ADARB2: variants seen among roughly 807,000 people sequenced by gnomAD.
ADARB2 encodes adenosine deaminase RNA specific B2 (inactive).
A neutral mutation model predicts 62.2 loss-of-function variants in ADARB2; 25 were observed. The observed-to-expected ratio is 0.40, with a 90% confidence interval of 0.29 to 0.56. The LOEUF is 0.56. ADARB2 is among the 20% of genes least tolerant of loss of function. The pLI is 0.43. For synonymous variants in ADARB2, 572 were observed against 500.8 expected (o/e 1.14, Z -1.90); for missense variants, 1,071 against 1,077.4 (o/e 0.99, Z 0.08).
In ADARB2 at chr10:1,233,560, C is replaced by T. The variant is rs113934329; in HGVS notation, c.1513+134G>A. The T allele has an allele frequency of 6.4e-4, 605 of 947,612 alleles. 2 individuals are homozygous for T. In the African/African-American group the frequency reaches 7.8e-3, roughly 12 times the overall value. The allele number at this position is 947,612 out of a possible 1,614,324, so 58.7% of individuals were successfully genotyped here. Reference sequence around the variant, plus strand: ...GCATGGTTATCCCACTAATTGTAGACTCAATCCCCTTCCAGTACCCAAGGG... The same window carrying T: ...GCATGGTTATCCCACTAATTGTAGATTCAATCCCCTTCCAGTACCCAAGGG... On this transcript the variant is annotated intron_variant, in intron 6 of 9. Transcript: ENST00000381312.
rs983346511 is a variant in ADARB2, at chr10:1,367,825, G to A, written c.188-3908C>T. Among the ~76,000 whole-genome samples, 5 of 152,376 alleles carry A rather than the reference G, an allele frequency of 3.3e-5. No individual in the cohort carries two copies. In the East Asian group the frequency reaches 7.7e-4, roughly 23 times the overall value. ...ATCTCAGATCAGAACTCACAGCAAC[G>A]CTTTGCCGCTAGCTGCGCTGAATGC... On this transcript the variant is annotated intron_variant, in intron 2 of 9. Transcript: ENST00000381312.
At chr10:1,668,503 C>T (rs1354328159) in intron 1 of ADARB2, among the ~76,000 whole-genome samples, 1 of 152,114 alleles carries the variant, frequency 6.6e-6, no homozygotes, top group East Asian at 1.9e-4. Context: ...TTCCAAGTCC[C>T]AGGGCATGCA....
intron 1 of ADARB2, among the ~76,000 whole-genome samples, chr10:1,395,638 T>C (rs1832605520): frequency 6.6e-6 from 1 of 152,222 alleles, no homozygotes; most frequent in African/African-American, 2.4e-5. Context: ...TTCTGAGTGC[T>C]GGACCTCCCT....
intron 1 of ADARB2, among the ~76,000 whole-genome samples, chr10:1,689,481 C>T: frequency 6.6e-6 from 1 of 152,264 alleles, no homozygotes; most frequent in Middle Eastern, 3.4e-3. Flanking sequence ...TCTGTGTGTC[C>T]CTCTCTGGGG....
intron 1 of ADARB2, among the ~76,000 whole-genome samples, chr10:1,467,424 A>C (rs1185487838): frequency 6.6e-6 from 1 of 152,080 alleles, no homozygotes; most frequent in Non-Finnish European, 1.5e-5. Context: ...TCTCCTTCTC[A>C]GTTTCTTCAA....
rs573830797 is a variant in ADARB2, at chr10:1,233,118, C to T, written c.1513+576G>A. On this transcript the variant is annotated intron_variant, in intron 6 of 9. Coordinates refer to ENST00000381312, the MANE Select transcript of ADARB2 (RefSeq NM_018702.4). ...CCTGCCCCACGCCCTGCCCTCCGACCCTGGCAATCGCAGCATCACTGCCCT... is the reference window on the plus strand; with the variant it reads ...CCTGCCCCACGCCCTGCCCTCCGACTCTGGCAATCGCAGCATCACTGCCCT... Among the ~76,000 whole-genome samples, 35 of 152,224 alleles carry T rather than the reference C, an allele frequency of 2.3e-4. No individual in the cohort carries two copies. In the South Asian group the frequency reaches 2.5e-3, roughly 11 times the overall value.
chr10:1,257,585 A>G, intron 4 of ADARB2, among the ~76,000 whole-genome samples: 1 of 152,208 alleles, frequency 6.6e-6, no homozygotes, highest in East Asian at 1.9e-4. Flanking sequence ...GCTGTGCATG[A>G]GGACTTCAAA....
chr10:1,474,951 C>T (rs61831886), intron 1 of ADARB2, among the ~76,000 whole-genome samples: 14,077 of 152,168 alleles, frequency 0.093, 679 homozygotes, highest in Middle Eastern at 0.17. Context: ...GCGGCGGCTG[C>T]CGGTCGTCCT....
At chr10:1,347,790 C>A (rs898986391) in intron 3 of ADARB2, among the ~76,000 whole-genome samples, 7 of 152,144 alleles carry the variant, frequency 4.6e-5, no homozygotes, top group African/African-American at 1.7e-4. Flanking sequence ...CCCCAGTGGA[C>A]ACCAGGATTG....
At position 1,439,206 on chromosome 10, in the gene ADARB2, TATGGG is replaced by T. The variant is rs1451086748; in HGVS notation, c.101-60051_101-60047del. Among the ~76,000 whole-genome samples, 119 of 122,054 alleles carry T rather than the reference TATGGG, an allele frequency of 9.7e-4. 6 individuals are homozygous for T. Among genetic ancestry groups the T allele is most frequent in the African/African-American group, 4.3e-3 (114 of 26,776 alleles). 80.1% of individuals were successfully genotyped at this position (122,054 alleles called of 152,430 possible). On this transcript the variant is annotated intron_variant, in intron 1 of 9. Coordinates refer to ENST00000381312, the MANE Select transcript of ADARB2 (RefSeq NM_018702.4). ...CAGCAGATGGAGGCAGGTTCTTCACTATGGGACTCCTGAGTCTCTCCCAGGATGGA... is the reference window on the plus strand; with the variant it reads ...CAGCAGATGGAGGCAGGTTCTTCACTACTCCTGAGTCTCTCCCAGGATGGA...
intron 1 of ADARB2, among the ~76,000 whole-genome samples, chr10:1,602,876 C>T (rs1258148154): frequency 6.6e-6 from 1 of 151,956 alleles, no homozygotes; most frequent in East Asian, 1.9e-4. Context: ...CACATATCAA[C>T]ACACACACAC....
chr10:1,357,192 G>A (rs1419959815), intron 3 of ADARB2, among the ~76,000 whole-genome samples: 12 of 152,164 alleles, frequency 7.9e-5, no homozygotes, highest in Admixed American at 7.9e-4. Context: ...TCCTCCATTC[G>A]ATTTATTCAC....
chr10:1,514,178 A>AATATATATAT (rs61671460), intron 1 of ADARB2, among the ~76,000 whole-genome samples: 20,893 of 94,036 alleles, frequency 0.22, 5,112 homozygotes, highest in Non-Finnish European at 0.33. Context: ...GCTGTCTCAA[A>AATATATATAT]ATATATATAT....
chr10:1,565,689 C>G (rs1260614067), intron 1 of ADARB2, among the ~76,000 whole-genome samples: 1 of 152,150 alleles, frequency 6.6e-6, no homozygotes, highest in Non-Finnish European at 1.5e-5. Flanking sequence ...GCTTTTTCCT[C>G]CTGTTTTCCA....
chr10:1,641,787 T>C (rs1050189749), intron 1 of ADARB2, among the ~76,000 whole-genome samples: 1 of 152,160 alleles, frequency 6.6e-6, no homozygotes, highest in Non-Finnish European at 1.5e-5. Context: ...CCAAGGTGGG[T>C]GGATCACCTG....
chr10:1,377,263 TGTGTGCCCCTGGGGTGTGTGTATGTGC>T (rs1357290330), intron 2 of ADARB2, among the ~76,000 whole-genome samples: 1 of 135,154 alleles, frequency 7.4e-6, no homozygotes. Flanking sequence ...TGTGTGTTTG[TGTGTGCCCCTGGGGTGTGTGTATGTGC>T]GTGTGCTCCT....
chr10:1,450,134 C>T (rs1426644582), intron 1 of ADARB2, among the ~76,000 whole-genome samples: 3 of 152,120 alleles, frequency 2.0e-5, no homozygotes, highest in East Asian at 1.9e-4. Context: ...AGGCTCCCGT[C>T]GAGAGGGAGC....
At chr10:1,387,996 T>C (rs2387666) in intron 1 of ADARB2, among the ~76,000 whole-genome samples, 69,736 of 151,812 alleles carry the variant, frequency 0.46, 16,320 homozygotes, top group Middle Eastern at 0.54. Flanking sequence ...GGAAAAATAA[T>C]AGTATCTTAA....
intron 1 of ADARB2, among the ~76,000 whole-genome samples, chr10:1,599,873 AG>A (rs1655425246): frequency 6.6e-6 from 1 of 152,054 alleles, no homozygotes; most frequent in Non-Finnish European, 1.5e-5. Context: ...CAGCCTCCCA[AG>A]TAGCTAGGAC....
Sources: gnomAD v4.1 joint callset for allele counts (sites outside exome capture counted in the v4.1 genomes callset) on GRCh38, gnomAD v4.1.1 for gene constraint, MANE v1.5 for transcripts, NCBI Gene and HGNC (gene_info 2026-07-23, HGNC 2026-07-21) for gene names.